The following DNAH9 variants were observed in gnomAD, a reference collection of about 807,000 sequenced individuals.
The protein encoded by DNAH9 is DNAH9 variant protein.
A neutral mutation model predicts 471.6 loss-of-function variants in DNAH9; 345 were observed. The ratio of observed to expected loss-of-function variants is 0.73; its 90% CI spans 0.67 to 0.80. The LOEUF (loss-of-function observed/expected upper bound fraction) is 0.80, where lower values mean the gene tolerates loss of function less well. DNAH9 is among the 30% of genes least tolerant of loss of function. The probability of loss-of-function intolerance (pLI) is 0.00; values close to 1 mark genes in which losing one functional copy is unlikely to be tolerated. For synonymous variants in DNAH9, 2,093 were observed against 2,123.6 expected (o/e 0.99, Z 0.40); for missense variants, 5,407 against 5,609.2 (o/e 0.96, Z 1.15).
Position 11,854,195 on chromosome 17 carries a change from CACGAGA to C in DNAH9, c.9703_9708del (p.Glu3235_Asn3236del), listed in dbSNP as rs765024775. 5 of 1,614,072 alleles carry C rather than the reference CACGAGA, an allele frequency of 3.1e-6. No individual in the cohort carries two copies. The highest frequency in any genetic ancestry group is 4.2e-6 in the Non-Finnish European group (5 of 1,180,058). ...AATAAACTTCAACAAAGAGAACATT[CACGAGA>C]ACTGCCTCAAAGCCATCAGGCCGTA... is the stretch of plus-strand genomic sequence containing the variant. On this transcript the variant is annotated inframe_deletion, in exon 50 of 69. Coordinates refer to ENST00000262442, the MANE Select transcript of DNAH9 (RefSeq NM_001372.4).
At chr17:11,788,854 T>G (rs1160700253) in intron 41 of DNAH9, among the ~76,000 whole-genome samples, 2 of 152,154 alleles carry the variant, frequency 1.3e-5, no homozygotes, top group East Asian at 3.9e-4. Context: ...TGCCATTAAA[T>G]ATGATATTCT....
chr17:11,603,232 A>AT (rs1232538411), intron 1 of DNAH9, among the ~76,000 whole-genome samples: 1 of 151,918 alleles, frequency 6.6e-6, no homozygotes, highest in Non-Finnish European at 1.5e-5. Context: ...CAGACATTCT[A>AT]TTTTTTTTCT....
chr17:11,603,933 C>T (rs867158349), intron 1 of DNAH9, among the ~76,000 whole-genome samples: 3 of 152,218 alleles, frequency 2.0e-5, no homozygotes, highest in South Asian at 2.1e-4. Flanking sequence ...TTCCTGGAAA[C>T]GCTTTCTTCT....
rs775300187 is a variant in DNAH9, at chr17:11,880,068, G to C, written c.10479-10G>C. On this transcript the variant is annotated splice_polypyrimidine_tract_variant and intron_variant, in intron 53 of 68. Coordinates refer to ENST00000262442, the MANE Select transcript of DNAH9 (RefSeq NM_001372.4). ...GTCTCATACTCCCGGACTCATACTT[G>C]TTTCCCTAGCTACCTTCAAATCATA... 5 of 1,613,600 alleles carry C rather than the reference G, an allele frequency of 3.1e-6. No homozygotes were observed. Among genetic ancestry groups the C allele is most frequent in the Admixed American group, 1.7e-5 (1 of 60,004 alleles).
At chr17:11,963,395 T>C (rs112925831) in intron 68 of DNAH9, among the ~76,000 whole-genome samples, 26,289 of 151,324 alleles carry the variant, frequency 0.17, 2,384 homozygotes, top group Admixed American at 0.21. Flanking sequence ...GATCGCACCA[T>C]TGCATTCCAG....
chr17:11,803,379 G>T (rs1016214456), intron 43 of DNAH9, among the ~76,000 whole-genome samples: 2 of 150,444 alleles, frequency 1.3e-5, no homozygotes, highest in Non-Finnish European at 3.0e-5. Context: ...ATTCTCTAGG[G>T]GTGTGTGTGT....
At chr17:11,614,223 C>G (rs1187141812) in intron 4 of DNAH9, among the ~76,000 whole-genome samples, 1 of 151,766 alleles carries the variant, frequency 6.6e-6, no homozygotes, top group Non-Finnish European at 1.5e-5. Context: ...TTTTTTTATC[C>G]TAAATAGATA....
chr17:11,787,799 G>A (rs941697233), intron 41 of DNAH9, among the ~76,000 whole-genome samples: 3 of 152,156 alleles, frequency 2.0e-5, no homozygotes, highest in African/African-American at 7.2e-5. Context: ...TAAGTCTCAC[G>A]AGATCTGATG....
chr17:11,969,153 G>A, intron 68 of DNAH9, 147 bp from the exon 69 acceptor site: 1 of 649,890 alleles, frequency 1.5e-6, no homozygotes, highest in Non-Finnish European at 2.7e-6. Flanking sequence ...TCCATCAAAG[G>A]CTGCTGAGAA....
At chr17:11,649,792 A>T (rs1002818743) in intron 12 of DNAH9, among the ~76,000 whole-genome samples, 24 of 152,092 alleles carry the variant, frequency 1.6e-4, no homozygotes, top group Non-Finnish European at 8.8e-5. Flanking sequence ...ACTCATGTAT[A>T]TTTATTCTTC....
chr17:11,964,809 G>C (rs958264704), intron 68 of DNAH9, among the ~76,000 whole-genome samples: 1 of 152,074 alleles, frequency 6.6e-6, no homozygotes, highest in Non-Finnish European at 1.5e-5. Context: ...GAAACCACTG[G>C]AAGGGGCAAA....
chr17:11,912,260 G>A (rs1973816576), intron 61 of DNAH9, among the ~76,000 whole-genome samples: 1 of 152,062 alleles, frequency 6.6e-6, no homozygotes, highest in Admixed American at 6.6e-5. Context: ...TTCGTGATCT[G>A]CCTGCCTCGA....
chr17:11,635,933 GCTT>G (rs2073155855), intron 8 of DNAH9, among the ~76,000 whole-genome samples: 1 of 151,888 alleles, frequency 6.6e-6, no homozygotes, highest in African/African-American at 2.4e-5. Context: ...AGCCAACTTA[GCTT>G]CTTTTTCTTT....
chr17:11,628,186 G>T (rs928903167), intron 6 of DNAH9, among the ~76,000 whole-genome samples: 6 of 152,316 alleles, frequency 3.9e-5, no homozygotes, highest in Non-Finnish European at 8.8e-5. Context: ...TCTTGGTTTG[G>T]AGGTTTTGTG....
intron 15 of DNAH9, among the ~76,000 whole-genome samples, chr17:11,668,088 T>C (rs1441858033): frequency 6.6e-6 from 1 of 152,238 alleles, no homozygotes; most frequent in African/African-American, 2.4e-5. Context: ...CTCTGTGTTG[T>C]ATTTTGATTT....
intron 59 of DNAH9, among the ~76,000 whole-genome samples, chr17:11,901,303 G>A (rs1466522357): frequency 6.6e-6 from 1 of 152,162 alleles, no homozygotes; most frequent in South Asian, 2.1e-4. Flanking sequence ...TATTAAAGAT[G>A]TCAACTCTGC....
intron 49 of DNAH9, among the ~76,000 whole-genome samples, chr17:11,848,139 G>GT (rs976290374): frequency 1.3e-5 from 2 of 152,080 alleles, no homozygotes; most frequent in African/African-American, 4.8e-5. Context: ...AGTTCCTTTA[G>GT]TTAACTGTCC....
At chr17:11,833,241 G>C (rs944819318) in intron 48 of DNAH9, among the ~76,000 whole-genome samples, 14 of 152,354 alleles carry the variant, frequency 9.2e-5, no homozygotes, top group African/African-American at 3.4e-4. Flanking sequence ...GGCTGGATGG[G>C]AAATTCAGCT....
intron 67 of DNAH9, among the ~76,000 whole-genome samples, chr17:11,943,315 A>C (rs1227179617): frequency 6.6e-6 from 1 of 152,188 alleles, no homozygotes. Flanking sequence ...ACCTAGGGTC[A>C]CACGTGGATA....
Sources: gnomAD v4.1 joint callset for allele counts (sites outside exome capture counted in the v4.1 genomes callset) on GRCh38, gnomAD v4.1.1 for gene constraint, MANE v1.5 for transcripts, NCBI Gene and HGNC (gene_info 2026-07-23, HGNC 2026-07-21) for gene names.